The following LAMA1 variants were observed in gnomAD, a reference collection of about 807,000 sequenced individuals.
LAMA1 encodes the protein laminin subunit alpha 1.
A neutral mutation model predicts 348.7 loss-of-function variants in LAMA1; 219 were observed. The ratio of observed to expected loss-of-function variants is 0.63; its 90% CI spans 0.56 to 0.70. The LOEUF (loss-of-function observed/expected upper bound fraction) is 0.70. Ranked by LOEUF, LAMA1 falls within the 30% of genes least tolerant of loss-of-function variation. The probability of loss-of-function intolerance (pLI) is 0.00; values close to 1 mark genes in which losing one functional copy is unlikely to be tolerated. For synonymous variants in LAMA1, 1,487 were observed against 1,491.0 expected (o/e 1.00, Z 0.06); for missense variants, 3,744 against 3,888.0 (o/e 0.96, Z 0.99).
intron 1 of LAMA1, among the ~76,000 whole-genome samples, chr18:7,104,332 A>T: frequency 6.6e-6 from 1 of 152,178 alleles, no homozygotes; most frequent in South Asian, 2.1e-4. Context: ...TTGTTCACTC[A>T]ACAAATATTT....
chr18:6,971,896 T>G lies in LAMA1; in HGVS notation c.6860A>C (p.Tyr2287Ser). The change falls in exon 48 of 63, where the codon TAT becomes TCT. Residue 2287 changes from tyrosine (Y) to serine (S), a missense_variant. This residue lies in a region of LAMA1 where 1,983 missense variants were observed against 1,934.3 expected (regional missense o/e 1.03). Transcript: ENST00000389658. The stretch of plus-strand genomic sequence containing the variant: ...ACGGCACTTGCCTTCCCTTTCAATA[T>G]AGTTCCATAGGCCTATGGATTTTCC... Reference protein sequence around the residue: ...LNGKSIGLWNYIEREGKCRGC... With the variant: ...LNGKSIGLWNSIEREGKCRGC... The G allele has an allele frequency of 6.2e-7, 1 of 1,614,064 alleles. No individual in the cohort carries two copies. The highest frequency in any genetic ancestry group is 1.3e-5 in the African/African-American group (1 of 75,026).
chr18:6,992,165 C>A (rs1029154855), intron 36 of LAMA1, among the ~76,000 whole-genome samples: 3 of 152,194 alleles, frequency 2.0e-5, no homozygotes, highest in Non-Finnish European at 4.4e-5. Flanking sequence ...CTCAATTATT[C>A]TGGCATAACA....
intron 3 of LAMA1, among the ~76,000 whole-genome samples, chr18:7,058,811 C>T (rs1199053936): frequency 3.3e-5 from 5 of 152,116 alleles, no homozygotes; most frequent in Non-Finnish European, 5.9e-5. Flanking sequence ...TAATACAGGC[C>T]GAATTCACCA....
At chr18:7,094,772 C>T (rs11873418) in intron 1 of LAMA1, among the ~76,000 whole-genome samples, 4,555 of 152,266 alleles carry the variant, frequency 0.03, 210 homozygotes, top group African/African-American at 0.1. Context: ...CCAGGGAAAT[C>T]TATTAAGTCA....
At chr18:7,021,997 C>T (rs1217799727) in intron 19 of LAMA1, among the ~76,000 whole-genome samples, 3 of 151,770 alleles carry the variant, frequency 2.0e-5, no homozygotes, top group Non-Finnish European at 2.9e-5. Context: ...ATAATTATGT[C>T]TATTTTATGA....
chr18:7,080,819 G>A (rs535458853), intron 1 of LAMA1, among the ~76,000 whole-genome samples: 3 of 152,142 alleles, frequency 2.0e-5, no homozygotes, highest in East Asian at 1.9e-4. Flanking sequence ...GGGTAGATCC[G>A]TGTATCTTAG....
At chr18:7,042,064 T>A (rs2058022705) in intron 9 of LAMA1, 81 bp downstream of exon 9, 1 of 915,416 alleles carries the variant, frequency 1.1e-6, no homozygotes, top group Non-Finnish European at 1.8e-6. Flanking sequence ...CAACTGGCTA[T>A]TACCATTAGT....
Position 7,011,315 on chromosome 18 carries a change from C to A in LAMA1, c.3672G>T (p.Gln1224His). 6.2e-7 allele frequency: 1 copy of A among 1,609,898 alleles called. No individual in the cohort carries two copies. Among genetic ancestry groups the A allele is most frequent in the Non-Finnish European group, 8.5e-7 (1 of 1,178,766 alleles). ...AEPFYWRLPQQFQGDQLMAYG... is the reference protein window; with the variant it reads ...AEPFYWRLPQHFQGDQLMAYG... ...TGCACCTCACCTGGTCTCCTTGGAA[C>A]TGCTGCGGCAGCCGCCAGTAAAACG... The change falls in exon 25 of 63, where the codon CAG becomes CAT. Residue 1224 changes from glutamine to histidine, a missense_variant. Gln to His is a conservative substitution (Grantham distance 24, BLOSUM62 0). This residue lies in a region of LAMA1 where 1,529 missense variants were observed against 1,689.4 expected (regional missense o/e 0.91). Coordinates refer to ENST00000389658, the MANE Select transcript of LAMA1 (RefSeq NM_005559.4).
intron 1 of LAMA1, among the ~76,000 whole-genome samples, chr18:7,113,047 G>A (rs2058341981): frequency 6.6e-6 from 1 of 152,198 alleles, no homozygotes; most frequent in African/African-American, 2.4e-5. Context: ...GCAATGAACA[G>A]ATATGCATAA....
At chr18:7,039,125 T>C (rs1226739953) in intron 10 of LAMA1, among the ~76,000 whole-genome samples, 175 bp from the exon 11 acceptor site, 2 of 152,190 alleles carry the variant, frequency 1.3e-5, no homozygotes, top group Non-Finnish European at 2.9e-5. Flanking sequence ...TTGAATTATA[T>C]ATAATTTGAT....
In LAMA1 at chr18:6,974,768, T is replaced by C. The variant is rs73390566; in HGVS notation, c.6623+135A>G. ...CAAATGCTTATTTCTACAGCTAACC[T>C]AAACCAAGTATTGTTTGGTTATAAT... is the stretch of plus-strand genomic sequence containing the variant. On this transcript the variant is annotated intron_variant, in intron 46 of 62. Coordinates refer to ENST00000389658, the MANE Select transcript of LAMA1 (RefSeq NM_005559.4). The C allele has an allele frequency of 3.0e-3, 3,568 of 1,206,400 alleles. 82 individuals carry two copies. The African/African-American group carries it at 0.047, about 16-fold the overall frequency. 74.7% of individuals were successfully genotyped at this position (1,206,400 alleles called of 1,614,324 possible).
chr18:6,971,792 C>A, intron 48 of LAMA1, 65 bp downstream of exon 48: 2 of 1,608,530 alleles, frequency 1.2e-6, no homozygotes, highest in South Asian at 2.2e-5. Flanking sequence ...TTAATACATT[C>A]TTTCAGCACT....
At chr18:6,997,477 A>G (rs952074898) in intron 33 of LAMA1, among the ~76,000 whole-genome samples, 3 of 152,206 alleles carry the variant, frequency 2.0e-5, no homozygotes, top group African/African-American at 7.2e-5. Context: ...AGGGCCACAG[A>G]GGGCAGCATT....
chr18:6,992,301 G>A (rs2057762315), intron 36 of LAMA1, among the ~76,000 whole-genome samples: 2 of 152,144 alleles, frequency 1.3e-5, no homozygotes, highest in South Asian at 2.1e-4. Flanking sequence ...GAAACATCCC[G>A]GAATCACAGA....
At chr18:6,975,452 A>G (rs678570) in intron 45 of LAMA1, among the ~76,000 whole-genome samples, 123,316 of 152,212 alleles carry the variant, frequency 0.81, 50,409 homozygotes, top group African/African-American at 0.9. Context: ...ACTTGCATGC[A>G]CTTTGCATCT....
Position 7,016,672 on chromosome 18 carries a change from C to T in LAMA1, c.2809-1G>A, listed in dbSNP as rs2057889867. 6.2e-7 allele frequency: 1 copy of T among 1,611,106 alleles called. No homozygotes were observed. Among genetic ancestry groups the T allele is most frequent in the Non-Finnish European group, 8.5e-7 (1 of 1,178,740 alleles). On this transcript the variant is annotated splice_acceptor_variant, in intron 20 of 62. Transcript: ENST00000389658. LOFTEE classifies it high-confidence loss of function. ...CTGAGTCCAGCCCATAATAGCCATG[C>T]TGTTTCACCAAAGGGGGAGAAAGTG...
At chr18:7,114,077 A>C (rs1191923729) in intron 1 of LAMA1, among the ~76,000 whole-genome samples, 8 of 30,968 alleles carry the variant, frequency 2.6e-4, no homozygotes, top group Admixed American at 1.1e-3. Context: ...ACTCCGTCTC[A>C]AAAAAAAAAA....
chr18:6,994,417 G>A (rs2057771529), intron 34 of LAMA1, among the ~76,000 whole-genome samples: 1 of 152,208 alleles, frequency 6.6e-6, no homozygotes, highest in African/African-American at 2.4e-5. Flanking sequence ...AACCCAGTCT[G>A]AGTTTGGTGT....
intron 18 of LAMA1, 122 bp from the exon 19 acceptor site, chr18:7,023,497 GA>G: frequency 1.2e-6 from 1 of 838,690 alleles, no homozygotes; most frequent in Non-Finnish European, 2.0e-6. Flanking sequence ...GATTTACTGT[GA>G]AAGGGATATG....
Sources: allele counts gnomAD v4.1 joint callset (sites outside exome capture counted in the v4.1 genomes callset), GRCh38; gene constraint gnomAD v4.1.1; regional missense constraint gnomAD v4.1.1; transcripts MANE v1.5; gene names NCBI Gene and HGNC (gene_info 2026-07-23, HGNC 2026-07-21).